EYS: variants seen among roughly 807,000 people sequenced by gnomAD.
EYS encodes EGF-like photoreceptor maintenance factor, also known as protein eyes shut homolog.
EYS carries 250 observed loss-of-function variants against 282.1 expected under a neutral mutation model. The observed-to-expected ratio is 0.89, with a 90% CI of 0.80 to 0.98. The LOEUF (loss-of-function observed/expected upper bound fraction) is 0.98. Among genes scored for constraint, EYS ranks in the 50% least tolerant of loss-of-function variants. The pLI, the probability that EYS is intolerant of heterozygous loss-of-function variation, is 0.00. For synonymous variants in EYS, 1,355 were observed against 1,282.9 expected, an observed-to-expected ratio of 1.06 and a Z score of -1.20; for missense variants, 4,016 against 3,709.0, an observed-to-expected ratio of 1.08 and a Z score of -2.15.
At chr6:63,770,336 T>C (rs796498383) in intron 40 of EYS, among the ~76,000 whole-genome samples, 27 of 152,188 alleles carry the variant, frequency 1.8e-4, no homozygotes, top group African/African-American at 6.3e-4. Flanking sequence ...TATGTATATG[T>C]TGAGGCTGAG....
At chr6:64,400,546 C>A (rs1773509866) in intron 28 of EYS, 1 of 152,026 alleles carries the variant, frequency 6.6e-6, no homozygotes, top group Middle Eastern at 3.2e-3. Flanking sequence ...TTTTTAACAG[C>A]AGTTGTATCT....
At chr6:65,075,233 A>C (rs1174264571) in intron 12 of EYS, among the ~76,000 whole-genome samples, 2 of 151,974 alleles carry the variant, frequency 1.3e-5, no homozygotes, top group Non-Finnish European at 2.9e-5. Context: ...CCAAGGGTGT[A>C]ATAATCTAAC....
chr6:65,676,491 T>C (rs1768605844), intron 1 of EYS, among the ~76,000 whole-genome samples: 1 of 151,788 alleles, frequency 6.6e-6, no homozygotes, highest in Non-Finnish European at 1.5e-5. Flanking sequence ...ACATACAACC[T>C]ACTAAGACTA....
At chr6:64,500,195 C>A (rs947722084) in intron 26 of EYS, among the ~76,000 whole-genome samples, 2 of 152,032 alleles carry the variant, frequency 1.3e-5, no homozygotes, top group African/African-American at 4.8e-5. Context: ...TTTTAAAAAT[C>A]TTTTCAGGTA....
At chr6:64,404,369 TAG>T (rs936423087) in intron 28 of EYS, among the ~76,000 whole-genome samples, 2 of 125,736 alleles carry the variant, frequency 1.6e-5, no homozygotes, top group African/African-American at 6.0e-5. Flanking sequence ...AATTGTAATA[TAG>T]AGTGTGAGAG....
intron 26 of EYS, among the ~76,000 whole-genome samples, chr6:64,588,782 T>C (rs1242335630): frequency 1.3e-5 from 2 of 152,020 alleles, no homozygotes; most frequent in African/African-American, 4.8e-5. Context: ...TGGATGAACA[T>C]ATTGGAAAAT....
intron 16 of EYS, among the ~76,000 whole-genome samples, chr6:64,903,753 T>A (rs1310827980): frequency 6.6e-6 from 1 of 152,136 alleles, no homozygotes. Flanking sequence ...CTATTTCATC[T>A]TTTCATATCA....
At chr6:64,923,114 G>T (rs1203241324) in intron 15 of EYS, among the ~76,000 whole-genome samples, 1 of 151,828 alleles carries the variant, frequency 6.6e-6, no homozygotes, top group African/African-American at 2.4e-5. Context: ...GTATTAGTCT[G>T]TTTTCACGCT....
At chr6:63,972,687 C>T (rs1448901485) in intron 35 of EYS, among the ~76,000 whole-genome samples, 2 of 152,076 alleles carry the variant, frequency 1.3e-5, no homozygotes, top group African/African-American at 2.4e-5. Flanking sequence ...CTATCCCTCC[C>T]TTAGCCCCCA....
chr6:64,298,580 TAAAC>T (rs1769121603), intron 30 of EYS, among the ~76,000 whole-genome samples: 1 of 151,864 alleles, frequency 6.6e-6, no homozygotes, highest in Non-Finnish European at 1.5e-5. Flanking sequence ...CTATAAAAGA[TAAAC>T]TAAACACAAA....
chr6:64,848,483 T>G (rs1765782167), intron 19 of EYS, among the ~76,000 whole-genome samples: 1 of 152,064 alleles, frequency 6.6e-6, no homozygotes, highest in Admixed American at 6.6e-5. Context: ...GGGGAAGTTT[T>G]CAGTTAACTG....
intron 16 of EYS, among the ~76,000 whole-genome samples, chr6:64,906,593 C>T (rs936312113): frequency 1.3e-5 from 2 of 152,136 alleles, no homozygotes; most frequent in African/African-American, 4.8e-5. Context: ...ACTTGTCTCC[C>T]ATGATACTGC....
intron 22 of EYS, among the ~76,000 whole-genome samples, chr6:64,759,257 C>G (rs1192309356): frequency 6.6e-6 from 1 of 152,134 alleles, no homozygotes; most frequent in East Asian, 1.9e-4. Context: ...CGAGACATTC[C>G]TTTGGACTCA....
At chr6:64,696,752 T>A (rs933315209) in intron 22 of EYS, among the ~76,000 whole-genome samples, 7 of 152,018 alleles carry the variant, frequency 4.6e-5, no homozygotes, top group African/African-American at 1.7e-4. Context: ...ATAACCTTCA[T>A]GAAAAAAAGA....
At chr6:64,884,950 GA>G (rs1767042599) in intron 19 of EYS, among the ~76,000 whole-genome samples, 2 of 151,558 alleles carry the variant, frequency 1.3e-5, no homozygotes, top group African/African-American at 4.8e-5. Flanking sequence ...TCTCCTTATA[GA>G]AAGACTCAAT....
intron 31 of EYS, among the ~76,000 whole-genome samples, chr6:64,156,050 G>C (rs979406241): frequency 1.3e-4 from 19 of 150,620 alleles, no homozygotes; most frequent in African/African-American, 4.6e-4. Context: ...GTTTGTGTGT[G>C]TGTATGTGTG....
chr6:64,345,535 T>C (rs895919138), intron 29 of EYS, among the ~76,000 whole-genome samples: 12 of 152,098 alleles, frequency 7.9e-5, no homozygotes, highest in African/African-American at 2.7e-4. Flanking sequence ...CCTTACACCT[T>C]ATACAAAAAT....
rs931472363 is a variant in EYS at position 64,856,306 on chromosome 6, AT to A, written c.2992+30390del. Among the ~76,000 whole-genome samples the A allele has an allele frequency of 7.3e-5, 11 of 151,060 alleles. No homozygotes were observed. In the East Asian group the frequency reaches 1.6e-3, roughly 21 times the overall value. ...TTGGTATCAAAAAAATATCATTGGT[AT>A]TTTTTTTTCCCAGAAAGGGTCTCAC... On this transcript the variant is annotated intron_variant, in intron 19 of 42. Coordinates refer to ENST00000503581, the MANE Select transcript of EYS (RefSeq NM_001142800.2).
At chr6:63,810,079 TAA>T (rs59987621) in intron 36 of EYS, among the ~76,000 whole-genome samples, 32 of 136,316 alleles carry the variant, frequency 2.3e-4, no homozygotes, top group Admixed American at 2.9e-4. Flanking sequence ...GCCTCTACTT[TAA>T]AAAAAAAAAA....
Sources: gnomAD v4.1 joint callset for allele counts (sites outside exome capture counted in the v4.1 genomes callset) on GRCh38, gnomAD v4.1.1 for gene constraint, MANE v1.5 for transcripts, NCBI Gene and HGNC (gene_info 2026-07-23, HGNC 2026-07-21) for gene names.